The following TNRC6A variants were observed in gnomAD, a reference collection of about 807,000 sequenced individuals.
The protein encoded by TNRC6A is trinucleotide repeat-containing gene 6A protein.
In TNRC6A, 44 loss-of-function variants were observed where a neutral mutation model predicts 221.2. The ratio of observed to expected loss-of-function variants is 0.20; its 90% CI spans 0.16 to 0.26. The LOEUF is 0.26. TNRC6A is among the 10% of genes least tolerant of loss of function. The pLI is 1.00. For missense variants in TNRC6A, 2,199 were observed against 2,404.4 expected, an observed-to-expected ratio of 0.91 and a Z score of 1.79; for synonymous variants, 847 against 838.5, an observed-to-expected ratio of 1.01 and a Z score of -0.18.
At chr16:24,779,748 A>G (rs948558162) in intron 5 of TNRC6A, among the ~76,000 whole-genome samples, 1 of 152,218 alleles carries the variant, frequency 6.6e-6, no homozygotes, top group Admixed American at 6.5e-5. Context: ...AAACACAAAC[A>G]TTCTTTGTTG....
At chr16:24,726,847 C>T (rs1339229776), upstream of TNRC6A, among the ~76,000 whole-genome samples, 1 of 152,110 alleles carries the variant, frequency 6.6e-6, no homozygotes, top group Non-Finnish European at 1.5e-5. Context: ...GAGGGTCCCA[C>T]ATAAGGAATC....
Position 24,729,727 on chromosome 16 carries a change from G to A in TNRC6A, c.-115G>A, listed in dbSNP as rs1378313417. ...GCGGCGGCGGCGGCGGCAGCGGGTC[G>A]GTGTAGAAAATGGCGCTGGTGCAGC... On this transcript the variant is annotated 5_prime_UTR_variant, in exon 1 of 25. Transcript: ENST00000395799. The A allele has an allele frequency of 2.6e-6, 3 of 1,160,236 alleles. No individual in the cohort carries two copies. The highest frequency in any genetic ancestry group is 2.2e-6 in the Non-Finnish European group (2 of 905,208). 71.9% of individuals were successfully genotyped at this position (1,160,236 alleles called of 1,614,324 possible). A position where few individuals can be genotyped will look rare whatever the true frequency, so the allele number is the denominator to read the frequency against.
intron 17 of TNRC6A, among the ~76,000 whole-genome samples, chr16:24,807,130 C>T (rs1300849925): frequency 3.3e-5 from 5 of 152,062 alleles, no homozygotes; most frequent in African/African-American, 1.2e-4. Context: ...CTCAGCTTCC[C>T]GAGTAGCTGG....
rs1026764020 is a variant in TNRC6A, at chr16:24,825,148, ATGT to A, written c.*1347_*1349del. 13 of 152,756 alleles carry A rather than the reference ATGT, an allele frequency of 8.5e-5. No individual in the cohort carries two copies. The highest frequency in any genetic ancestry group is 2.9e-4 in the African/African-American group (12 of 41,570). The allele number at this position is 152,756 out of a possible 1,614,324, so 9.5% of individuals were successfully genotyped here. ...GTTTGTTGTATAAAGAAAATTTTAAATGTTGTTGCAAACTAACGAGTTACACCA... is the reference window on the plus strand; with the variant it reads ...GTTTGTTGTATAAAGAAAATTTTAAATGTTGCAAACTAACGAGTTACACCA... On this transcript the variant is annotated 3_prime_UTR_variant, in exon 25 of 25. Coordinates refer to ENST00000395799, the MANE Select transcript of TNRC6A (RefSeq NM_014494.4).
At chr16:24,750,542 T>G (rs1193586208) in intron 2 of TNRC6A, among the ~76,000 whole-genome samples, 184 bp from the exon 3 acceptor site, 1 of 152,246 alleles carries the variant, frequency 6.6e-6, no homozygotes, top group Non-Finnish European at 1.5e-5. Context: ...TAAAGTGAAT[T>G]GTACCATATA....
At chr16:24,624,254 T>C (rs145048375) in intron 1 of TNRC6A, among the ~76,000 whole-genome samples, 1 of 152,090 alleles carries the variant, frequency 6.6e-6, no homozygotes, top group Admixed American at 6.6e-5. Context: ...AAATCTCTGC[T>C]CTCGTCACAT....
At chr16:24,664,830 C>T (rs568851589) in intron 2 of TNRC6A, 1 of 445,212 alleles carries the variant, frequency 2.2e-6, no homozygotes, top group Non-Finnish European at 4.5e-6. Flanking sequence ...ATAAGAAATC[C>T]CAGAAACCTT....
At chr16:24,694,814 T>G (rs972859574) in intron 2 of TNRC6A, among the ~76,000 whole-genome samples, 5 of 151,830 alleles carry the variant, frequency 3.3e-5, no homozygotes, top group African/African-American at 1.2e-4. Context: ...ACACCTGTAA[T>G]CCTAGCTACA....
At position 24,657,624 on chromosome 16, in the gene TNRC6A, G is replaced by A. The variant is rs547868927; in HGVS notation, n.402+16615G>A. ...TTTGGAAGGCTGAGGCAGGAGAATC[G>A]TTTGAACCCAGGAGGCAGAGGTTGC... On this transcript the variant is annotated intron_variant and non_coding_transcript_variant, in intron 2 of 2. Coordinates refer to the TNRC6A transcript ENST00000566108. 4.0e-5 allele frequency among the ~76,000 whole-genome samples: 6 copies of A among 150,440 alleles called. No individual in the cohort carries two copies. The South Asian group carries it at 6.3e-4, about 16-fold the overall frequency.
At chr16:24,611,359 A>G (rs59795397) in intron 1 of TNRC6A, among the ~76,000 whole-genome samples, 4,962 of 152,268 alleles carry the variant, frequency 0.033, 277 homozygotes, top group African/African-American at 0.11. Flanking sequence ...GTGCGTGCAC[A>G]TATGTGTTAA....
chr16:24,663,578 A>G (rs1251400204), intron 2 of TNRC6A: 1 of 163,108 alleles, frequency 6.1e-6, no homozygotes, highest in Non-Finnish European at 1.3e-5. Flanking sequence ...ATAGATAAAC[A>G]AAATCAGCAA....
intron 2 of TNRC6A, among the ~76,000 whole-genome samples, chr16:24,702,677 A>G (rs1255614397): frequency 6.6e-6 from 1 of 152,080 alleles, no homozygotes; most frequent in Non-Finnish European, 1.5e-5. Flanking sequence ...TCGAGGCTGC[A>G]GTGAGCTGTG....
At chr16:24,764,977 G>A (rs1207926513) in intron 4 of TNRC6A, among the ~76,000 whole-genome samples, 2 of 152,150 alleles carry the variant, frequency 1.3e-5, no homozygotes, top group East Asian at 3.9e-4. Flanking sequence ...TCAGAATTTG[G>A]TCCCTCTCTC....
intron 4 of TNRC6A, among the ~76,000 whole-genome samples, chr16:24,775,866 A>T (rs1362827880): frequency 6.6e-6 from 1 of 152,216 alleles, no homozygotes; most frequent in Non-Finnish European, 1.5e-5. Context: ...ATCTGTGAGG[A>T]TACATTACAG....
upstream of TNRC6A, among the ~76,000 whole-genome samples, chr16:24,725,271 C>T (rs1345459595): frequency 1.3e-5 from 2 of 152,132 alleles, no homozygotes; most frequent in Non-Finnish European, 1.5e-5. Context: ...GCCCCAGCCT[C>T]AAGCGATCCT....
intron 2 of TNRC6A, among the ~76,000 whole-genome samples, chr16:24,700,807 C>A (rs962999183): frequency 2.0e-5 from 3 of 152,320 alleles, no homozygotes; most frequent in Admixed American, 6.5e-5. Flanking sequence ...CTCCACTAGC[C>A]AGCATGTTGA....
chr16:24,774,400 AT>A (rs1222922602), intron 4 of TNRC6A, among the ~76,000 whole-genome samples: 1 of 152,206 alleles, frequency 6.6e-6, no homozygotes, highest in African/African-American at 2.4e-5. Flanking sequence ...TCAGCTTTGT[AT>A]TCCACATGGT....
chr16:24,630,629 C>T (rs1230597139), intron 1 of TNRC6A, among the ~76,000 whole-genome samples: 1 of 152,232 alleles, frequency 6.6e-6, no homozygotes, highest in Non-Finnish European at 1.5e-5. Flanking sequence ...CCTCCCACCT[C>T]ACGTCCTATT....
intron 2 of TNRC6A, among the ~76,000 whole-genome samples, chr16:24,734,642 G>A (rs1486382188): frequency 1.3e-5 from 2 of 152,126 alleles, no homozygotes; most frequent in Non-Finnish European, 2.9e-5. Context: ...ATTTAAACAG[G>A]CCTTTTGACT....
Sources: gnomAD v4.1 joint callset for allele counts (sites outside exome capture counted in the v4.1 genomes callset) on GRCh38, gnomAD v4.1.1 for gene constraint, MANE v1.5 for transcripts, NCBI Gene and HGNC (gene_info 2026-07-23, HGNC 2026-07-21) for gene names.